PGBD5: variants seen among roughly 807,000 people sequenced by gnomAD.
PGBD5 encodes the protein piggyBac transposable element-derived protein 5.
In PGBD5, 14 loss-of-function variants were observed where a neutral mutation model predicts 47.9. The observed-to-expected ratio is 0.29, with a 90% confidence interval of 0.19 to 0.46. The LOEUF is 0.46. Among genes scored for constraint, PGBD5 ranks in the 20% least tolerant of loss-of-function variants. The pLI, the probability that PGBD5 is intolerant of heterozygous loss-of-function variation, is 1.00. For missense variants in PGBD5, 635 were observed against 716.0 expected, an observed-to-expected ratio of 0.89 and a Z score of 1.29; for synonymous variants, 316 against 306.3, an observed-to-expected ratio of 1.03 and a Z score of -0.33.
At chr1:230,421,055 G>A (rs1657636660) in intron 1 of PGBD5, among the ~76,000 whole-genome samples, 1 of 152,116 alleles carries the variant, frequency 6.6e-6, no homozygotes, top group African/African-American at 2.4e-5. Context: ...CTAAAACTAG[G>A]TTAGACCTCA....
At chr1:230,423,973 A>C (rs1051607290) in intron 1 of PGBD5, among the ~76,000 whole-genome samples, 1 of 152,214 alleles carries the variant, frequency 6.6e-6, no homozygotes, top group Non-Finnish European at 1.5e-5. Flanking sequence ...AAGAAATATA[A>C]GATGGATTTA....
intron 1 of PGBD5, among the ~76,000 whole-genome samples, chr1:230,404,348 C>T (rs910174641): frequency 2.6e-5 from 4 of 152,016 alleles, no homozygotes; most frequent in African/African-American, 9.7e-5. Flanking sequence ...GAAGTGGTGG[C>T]AGATTCCTGT....
chr1:230,408,810 T>G (rs144410252), intron 1 of PGBD5, among the ~76,000 whole-genome samples: 1 of 152,302 alleles, frequency 6.6e-6, no homozygotes, highest in Non-Finnish European at 1.5e-5. Flanking sequence ...AGTGGTTTCT[T>G]AGCTAGGACA....
At position 230,317,297 on chromosome 1, in the gene PGBD5, A is replaced by C. The variant is rs1424637806; in HGVS notation, c.*6128T>G. 1 of 152,310 alleles carries C rather than the reference A, an allele frequency of 6.6e-6. No individual in the cohort carries two copies. The highest frequency in any genetic ancestry group is 1.5e-5 in the Non-Finnish European group (1 of 68,116). The allele number at this position is 152,310 out of a possible 1,614,324, so 9.4% of individuals were successfully genotyped here. A position where few individuals can be genotyped will look rare whatever the true frequency, so the allele number is the denominator to read the frequency against. On this transcript the variant is annotated 3_prime_UTR_variant, in exon 7 of 7. Coordinates refer to ENST00000391860, the MANE Select transcript of PGBD5 (RefSeq NM_001258311.2). ...GCTGAGAACCAGGAAGCCCTGGAGC[A>C]GACAGAGTGAGGGTCAACCTGGCTC...
intron 1 of PGBD5, among the ~76,000 whole-genome samples, chr1:230,422,233 A>C (rs1034626565): frequency 6.6e-6 from 1 of 152,182 alleles, no homozygotes; most frequent in African/African-American, 2.4e-5. Flanking sequence ...CAAACAGACG[A>C]GAGCCCTTGA....
chr1:230,368,208 T>C (rs1224528307), intron 1 of PGBD5: 1 of 1,323,298 alleles, frequency 7.6e-7, no homozygotes, highest in Non-Finnish European at 1.0e-6. Flanking sequence ...AGCTGAAAGC[T>C]GACCACTGAA....
At chr1:230,351,143 A>G (rs894868782) in intron 2 of PGBD5, 51 bp from the exon 3 acceptor site, 16 of 1,552,236 alleles carry the variant, frequency 1.0e-5, no homozygotes, top group African/African-American at 2.7e-5. Context: ...CATGAGCTTG[A>G]GGGCTCATCA....
rs1216649002 is a variant in PGBD5 at position 230,320,705 on chromosome 1, C to G, written c.*2720G>C. 6.6e-6 allele frequency: 1 copy of G among 152,188 alleles called. No individual in the cohort carries two copies. The highest frequency in any genetic ancestry group is 1.5e-5 in the Non-Finnish European group (1 of 68,052). 9.4% of individuals were successfully genotyped at this position (152,188 alleles called of 1,614,324 possible). ...AAGAATCAACCTGAGGGCTGTTGAA[C>G]CCAGGGAGATACTGGAACCAGATGC... is the stretch of plus-strand genomic sequence containing the variant. On this transcript the variant is annotated 3_prime_UTR_variant, in exon 7 of 7. Coordinates refer to ENST00000391860, the MANE Select transcript of PGBD5 (RefSeq NM_001258311.2).
At chr1:230,397,995 G>T (rs1370244875) in intron 1 of PGBD5, among the ~76,000 whole-genome samples, 1 of 152,162 alleles carries the variant, frequency 6.6e-6, no homozygotes, top group Non-Finnish European at 1.5e-5. Context: ...TCACAGATCT[G>T]CAAGGCCAGA....
At chr1:230,337,911 G>A (rs1008451580) in intron 3 of PGBD5, among the ~76,000 whole-genome samples, 9 of 152,174 alleles carry the variant, frequency 5.9e-5, no homozygotes, top group South Asian at 2.1e-4. Context: ...AAGGGGTAGA[G>A]GCAGGAAAGT....
intron 4 of PGBD5, among the ~76,000 whole-genome samples, chr1:230,333,681 C>T (rs1202652463): frequency 2.0e-5 from 3 of 152,204 alleles, no homozygotes; most frequent in Non-Finnish European, 2.9e-5. Flanking sequence ...ATATTTGATG[C>T]GAAGGAAAGA....
chr1:230,414,278 C>T (rs1048616513), intron 1 of PGBD5, among the ~76,000 whole-genome samples: 1 of 152,170 alleles, frequency 6.6e-6, no homozygotes, highest in African/African-American at 2.4e-5. Context: ...ATCGCAATGC[C>T]TTTCTGACAG....
chr1:230,353,592 CTG>C (rs1453802418), intron 2 of PGBD5, among the ~76,000 whole-genome samples: 7 of 152,048 alleles, frequency 4.6e-5, no homozygotes, highest in Admixed American at 1.3e-4. Flanking sequence ...GGTGAGTGTG[CTG>C]TGTGTTTGGA....
intron 5 of PGBD5, among the ~76,000 whole-genome samples, chr1:230,327,472 A>G (rs1036001644): frequency 6.6e-6 from 1 of 152,064 alleles, no homozygotes; most frequent in Non-Finnish European, 1.5e-5. Flanking sequence ...TGGAAGAAAC[A>G]CTGGCCAGCT....
At chr1:230,369,565 C>T (rs752023107) in intron 1 of PGBD5, among the ~76,000 whole-genome samples, 6 of 152,186 alleles carry the variant, frequency 3.9e-5, no homozygotes, top group Non-Finnish European at 7.3e-5. Context: ...CTCTGATTGA[C>T]CCCACACACC....
intron 1 of PGBD5, among the ~76,000 whole-genome samples, chr1:230,413,930 T>C (rs1657464070): frequency 6.6e-6 from 1 of 152,164 alleles, no homozygotes; most frequent in African/African-American, 2.4e-5. Context: ...ATGAAATGTA[T>C]TTGAAAGAAG....
At chr1:230,410,594 A>G (rs1657388868) in intron 1 of PGBD5, among the ~76,000 whole-genome samples, 2 of 152,296 alleles carry the variant, frequency 1.3e-5, no homozygotes, top group South Asian at 4.1e-4. Flanking sequence ...GAAGAAATCA[A>G]AAGGGGAACT....
chr1:230,386,607 T>C lies in PGBD5; in HGVS notation c.332-29286A>G, dbSNP rs150036254. Among the ~76,000 whole-genome samples, 52 of 152,360 alleles carry C rather than the reference T, an allele frequency of 3.4e-4. No individual in the cohort carries two copies. The East Asian group carries it at 5.6e-3, about 16-fold the overall frequency. Reference sequence around the variant, plus strand: ...TTTGATAGAAATAAATGGTACTTCATCGCCATTGGCTAACTTACCTGAATA... The same window carrying C: ...TTTGATAGAAATAAATGGTACTTCACCGCCATTGGCTAACTTACCTGAATA... On this transcript the variant is annotated intron_variant, in intron 1 of 6. Coordinates refer to ENST00000391860, the MANE Select transcript of PGBD5 (RefSeq NM_001258311.2).
intron 3 of PGBD5, among the ~76,000 whole-genome samples, chr1:230,340,755 C>A (rs2102693683): frequency 6.6e-6 from 1 of 152,166 alleles, no homozygotes; most frequent in African/African-American, 2.4e-5. Flanking sequence ...TAGCCTCTTG[C>A]TGTCTTGGAA....
Sources: gnomAD v4.1 joint callset for allele counts (sites outside exome capture counted in the v4.1 genomes callset) on GRCh38, gnomAD v4.1.1 for gene constraint, MANE v1.5 for transcripts, NCBI Gene and HGNC (gene_info 2026-07-23, HGNC 2026-07-21) for gene names.